Variants in APOL3 observed in about 807,000 individuals in gnomAD.
The protein encoded by APOL3 is apolipoprotein L3.
APOL3 carries 14 observed loss-of-function variants against 11.6 expected under a neutral mutation model. The ratio of observed to expected loss-of-function variants is 1.21; its 90% CI spans 0.80 to 1.89. The LOEUF is 1.89. Among genes scored for constraint, APOL3 ranks in the 40% most tolerant of loss-of-function variants. The pLI, the probability that APOL3 is intolerant of heterozygous loss-of-function variation, is 0.00. For missense variants in APOL3, 483 were observed against 492.1 expected (o/e 0.98, Z 0.17); for synonymous variants, 192 against 190.6 (o/e 1.01, Z -0.06).
upstream of APOL3, among the ~76,000 whole-genome samples, chr22:36,163,727 ATATTGGG>A (rs2013790321): frequency 6.6e-6 from 1 of 152,220 alleles, no homozygotes; most frequent in African/African-American, 2.4e-5. Context: ...ATGGTCAAGG[ATATTGGG>A]ATGTCGAGAC....
chr22:36,143,089 C>T (rs1276354142), intron 2 of APOL3, among the ~76,000 whole-genome samples: 1 of 152,186 alleles, frequency 6.6e-6, no homozygotes, highest in African/African-American at 2.4e-5. Context: ...GACTCCCCCT[C>T]TGTCTTTACT....
intron 1 of APOL3, among the ~76,000 whole-genome samples, chr22:36,153,957 G>C (rs55826522): frequency 0.03 from 4,609 of 152,284 alleles, 79 homozygotes; most frequent in Middle Eastern, 0.075. Context: ...AACGTTTTCT[G>C]GTTGACAATT....
intron 2 of APOL3, among the ~76,000 whole-genome samples, chr22:36,143,038 G>C (rs1034901905): frequency 4.6e-5 from 7 of 152,204 alleles, no homozygotes; most frequent in South Asian, 2.1e-4. Flanking sequence ...TCTCCAGTCA[G>C]AACTGGTCCA....
At chr22:36,161,059 C>A (rs989092893), upstream of APOL3, 38 of 628,590 alleles carry the variant, frequency 6.0e-5, no homozygotes, top group Admixed American at 7.4e-4. Flanking sequence ...CCAGATTACT[C>A]CCCACCCCCA....
chr22:36,147,237 C>T (rs1730771388), intron 1 of APOL3, among the ~76,000 whole-genome samples: 1 of 152,188 alleles, frequency 6.6e-6, no homozygotes, highest in Non-Finnish European at 1.5e-5. Context: ...AGGATTCCTC[C>T]TGCTGCTCAT....
chr22:36,145,463 C>A lies in APOL3; in HGVS notation c.350+10G>T, dbSNP rs556832206. The A allele has an allele frequency of 6.2e-7, 1 of 1,613,706 alleles. No individual in the cohort carries two copies. The highest frequency in any genetic ancestry group is 1.7e-5 in the Admixed American group (1 of 59,970). On this transcript the variant is annotated intron_variant, in intron 2 of 2. Transcript: ENST00000349314. The stretch of plus-strand genomic sequence containing the variant: ...GGGGCGCCCCATGGAGGTAACCCCA[C>A]GGAGGTTACCTGGGCAATTCAGCCG...
chr22:36,164,298 C>T (rs571295906), upstream of APOL3, among the ~76,000 whole-genome samples: 1 of 152,180 alleles, frequency 6.6e-6, no homozygotes, highest in Non-Finnish European at 1.5e-5. Flanking sequence ...ACATTTCCAG[C>T]CCCCACTTCT....
At chr22:36,156,517 C>A (rs775719392) in intron 1 of APOL3, among the ~76,000 whole-genome samples, 6 of 152,186 alleles carry the variant, frequency 3.9e-5, no homozygotes, top group Middle Eastern at 3.2e-3. Context: ...TCCAGGTACA[C>A]ACTGACGCCC....
chr22:36,163,576 G>C (rs532274354), upstream of APOL3, among the ~76,000 whole-genome samples: 1 of 152,166 alleles, frequency 6.6e-6, no homozygotes, highest in East Asian at 1.9e-4. Context: ...TTTCAGCAAG[G>C]CTGTAGTACC....
Sources: allele counts gnomAD v4.1 joint callset (sites outside exome capture counted in the v4.1 genomes callset), GRCh38; gene constraint gnomAD v4.1.1; transcripts MANE v1.5; gene names NCBI Gene and HGNC (gene_info 2026-07-23, HGNC 2026-07-21).